Variants in CTNNA3 observed in about 807,000 individuals in gnomAD.
CTNNA3 encodes the protein catenin alpha-3.
A neutral mutation model predicts 95.7 loss-of-function variants in CTNNA3; 76 were observed. The ratio of observed to expected loss-of-function variants is 0.79; its 90% CI spans 0.66 to 0.96. The LOEUF is 0.96. Ranked by LOEUF, CTNNA3 falls within the 40% of genes least tolerant of loss-of-function variation. The pLI, the probability that CTNNA3 is intolerant of heterozygous loss-of-function variation, is 0.00. For missense variants in CTNNA3, 1,191 were observed against 1,089.8 expected, an observed-to-expected ratio of 1.09 and a Z score of -1.31; for synonymous variants, 431 against 374.4, an observed-to-expected ratio of 1.15 and a Z score of -1.74.
At chr10:66,558,256 TCTCCGG>T (rs1842450418) in intron 10 of CTNNA3, among the ~76,000 whole-genome samples, 1 of 152,152 alleles carries the variant, frequency 6.6e-6, no homozygotes. Flanking sequence ...AAGAGCCATC[TCTCCGG>T]TTGCCAACTC....
intron 3 of CTNNA3, among the ~76,000 whole-genome samples, chr10:67,556,769 A>T (rs1025563722): frequency 3.3e-5 from 5 of 151,838 alleles, no homozygotes; most frequent in African/African-American, 9.7e-5. Flanking sequence ...TTCTGCTCTG[A>T]TCTTACTTAT....
At position 65,916,306 on chromosome 10, in the gene CTNNA3, C is replaced by T. The variant is rs913235409; in HGVS notation, c.*4024G>A. On this transcript the variant is annotated 3_prime_UTR_variant, in exon 18 of 18. Coordinates refer to ENST00000433211, the MANE Select transcript of CTNNA3 (RefSeq NM_013266.4). ...GATTCCTAAATATACAATAGGCAGG[C>T]TGTCTTGGCAAAAAATAGGCCAACA... is the stretch of plus-strand genomic sequence containing the variant. The T allele has an allele frequency of 1.3e-5, 2 of 152,012 alleles. No homozygotes were observed. Among genetic ancestry groups the T allele is most frequent in the Non-Finnish European group, 1.5e-5 (1 of 68,000 alleles). The allele number at this position is 152,012 out of a possible 1,614,324, so 9.4% of individuals were successfully genotyped here. A position where few individuals can be genotyped will look rare whatever the true frequency, so the allele number is the denominator to read the frequency against.
chr10:66,307,327 A>G (rs914899541), intron 12 of CTNNA3, among the ~76,000 whole-genome samples: 2 of 152,328 alleles, frequency 1.3e-5, no homozygotes, highest in Admixed American at 6.5e-5. Context: ...TCATTATAGT[A>G]TCTGGAAAAT....
At chr10:66,362,477 A>G (rs1048779553) in intron 12 of CTNNA3, among the ~76,000 whole-genome samples, 1 of 151,844 alleles carries the variant, frequency 6.6e-6, no homozygotes, top group African/African-American at 2.4e-5. Context: ...TTGGGAGGCC[A>G]AGGCAGGAGG....
intron 5 of CTNNA3, among the ~76,000 whole-genome samples, chr10:67,356,590 A>T (rs1842816756): frequency 6.6e-6 from 1 of 152,058 alleles, no homozygotes. Flanking sequence ...TATTATCAAT[A>T]ACAGCAGCCC....
At chr10:67,736,045 T>C (rs1291072929) in intron 1 of CTNNA3, among the ~76,000 whole-genome samples, 3 of 152,186 alleles carry the variant, frequency 2.0e-5, no homozygotes, top group African/African-American at 7.2e-5. Context: ...GCAATCCAAG[T>C]GTCCATTATC....
intron 14 of CTNNA3, among the ~76,000 whole-genome samples, chr10:66,088,783 T>C (rs1227838208): frequency 2.0e-5 from 3 of 152,108 alleles, no homozygotes; most frequent in Non-Finnish European, 4.4e-5. Flanking sequence ...ATTTCATTGT[T>C]GTTTTCATTT....
chr10:67,092,642 A>C (rs538249684), intron 7 of CTNNA3, among the ~76,000 whole-genome samples: 1 of 152,110 alleles, frequency 6.6e-6, no homozygotes, highest in African/African-American at 2.4e-5. Context: ...AACTTTAAAA[A>C]ACTATTCTTA....
intron 6 of CTNNA3, among the ~76,000 whole-genome samples, chr10:67,197,327 C>A (rs1863424588): frequency 6.6e-6 from 1 of 151,994 alleles, no homozygotes; most frequent in Non-Finnish European, 1.5e-5. Flanking sequence ...AATAAGTAAT[C>A]CCAATTGTGC....
At chr10:67,261,910 A>T (rs537184070) in intron 5 of CTNNA3, among the ~76,000 whole-genome samples, 1 of 152,302 alleles carries the variant, frequency 6.6e-6, no homozygotes, top group East Asian at 1.9e-4. Flanking sequence ...CTGCTATACA[A>T]ATAAGTTGGA....
chr10:67,198,392 T>C (rs1402623697), intron 6 of CTNNA3, among the ~76,000 whole-genome samples: 4 of 152,210 alleles, frequency 2.6e-5, no homozygotes, highest in Admixed American at 6.6e-5. Context: ...TAACAACTAG[T>C]TGAGAATGAG....
intron 7 of CTNNA3, among the ~76,000 whole-genome samples, chr10:67,041,174 G>T (rs10997490): frequency 0.34 from 51,546 of 151,730 alleles, 9,303 homozygotes; most frequent in Middle Eastern, 0.55. Flanking sequence ...ATCATGTTCT[G>T]CCAGAGCAAA....
chr10:66,194,632 T>G (rs925903194), intron 13 of CTNNA3, among the ~76,000 whole-genome samples: 2 of 152,066 alleles, frequency 1.3e-5, no homozygotes, highest in African/African-American at 4.8e-5. Context: ...TGAGTGAAAT[T>G]TACACATTAC....
intron 13 of CTNNA3, among the ~76,000 whole-genome samples, chr10:66,112,846 T>G (rs1005154944): frequency 6.6e-6 from 1 of 152,136 alleles, no homozygotes; most frequent in Non-Finnish European, 1.5e-5. Flanking sequence ...TACAAGTTTA[T>G]CACATTTTAG....
chr10:67,208,801 T>A (rs1864014043), intron 6 of CTNNA3, among the ~76,000 whole-genome samples: 1 of 151,878 alleles, frequency 6.6e-6, no homozygotes, highest in African/African-American at 2.4e-5. Flanking sequence ...AAGAATAAAT[T>A]CATGTATTCC....
At chr10:67,165,216 T>C (rs1861713007) in intron 7 of CTNNA3, among the ~76,000 whole-genome samples, 1 of 152,222 alleles carries the variant, frequency 6.6e-6, no homozygotes, top group Admixed American at 6.5e-5. Context: ...GATGGATCTC[T>C]AAGGCATTAT....
intron 9 of CTNNA3, among the ~76,000 whole-genome samples, chr10:66,633,415 T>G (rs1040789781): frequency 2.0e-5 from 3 of 152,194 alleles, no homozygotes; most frequent in Non-Finnish European, 4.4e-5. Context: ...GTGCAGTGGC[T>G]CACGCCTGTA....
chr10:66,463,451 C>T lies in CTNNA3; in HGVS notation c.1531+57166G>A, dbSNP rs1018740009. On this transcript the variant is annotated intron_variant, in intron 11 of 17. Coordinates refer to ENST00000433211, the MANE Select transcript of CTNNA3 (RefSeq NM_013266.4). ...CCTGCAGAATTATCAGCTAATTAAA[C>T]CTCTTTCTTTATCAATTACACGCTC... Among the ~76,000 whole-genome samples the T allele has an allele frequency of 3.3e-5, 5 of 152,118 alleles. 1 individual carries two copies. Among genetic ancestry groups the T allele is most frequent in the Admixed American group, 3.3e-4 (5 of 15,254 alleles).
intron 15 of CTNNA3, among the ~76,000 whole-genome samples, chr10:66,050,181 T>C (rs1344490447): frequency 6.6e-6 from 1 of 152,102 alleles, no homozygotes; most frequent in Non-Finnish European, 1.5e-5. Flanking sequence ...ATTCCCAAAT[T>C]TGGATGTATA....
Sources: gnomAD v4.1 joint callset for allele counts (sites outside exome capture counted in the v4.1 genomes callset) on GRCh38, gnomAD v4.1.1 for gene constraint, MANE v1.5 for transcripts, NCBI Gene and HGNC (gene_info 2026-07-23, HGNC 2026-07-21) for gene names.